Variants in NEAT1 observed in about 807,000 individuals in gnomAD.
NEAT1 encodes the protein nuclear paraspeckle assembly transcript 1, also known as MENepsilon/beta.
chr11:65,435,933 T>G (rs1856654350), exon 1 of NEAT1: 1 of 152,152 alleles, frequency 6.6e-6, no homozygotes, highest in Admixed American at 6.5e-5. Context: ...TTGTAAAAAG[T>G]GGTATTTAAT....
exon 1 of NEAT1, chr11:65,438,857 G>T (rs916667247): frequency 6.6e-6 from 1 of 152,122 alleles, no homozygotes; most frequent in Non-Finnish European, 1.5e-5. Flanking sequence ...GAACAGTTGC[G>T]TACAAGTTTT....
chr11:65,433,798 G>A (rs1007866210), exon 1 of NEAT1: 2 of 150,948 alleles, frequency 1.3e-5, no homozygotes, highest in Non-Finnish European at 2.9e-5. Context: ...ATATATATGA[G>A]TTCTACAGTA....
chr11:65,429,145 T>A (rs1856590517), exon 1 of NEAT1: 1 of 152,150 alleles, frequency 6.6e-6, no homozygotes, highest in African/African-American at 2.4e-5. Context: ...TAGAAAATAA[T>A]ACTTGCGATG....
At chr11:65,423,488 T>C (rs1856522695) in exon 1 of NEAT1, 1 of 151,386 alleles carries the variant, frequency 6.6e-6, no homozygotes, top group South Asian at 2.1e-4. Context: ...AGGTGAGGGG[T>C]GGTCTGAGGA....
exon 1 of NEAT1, chr11:65,424,646 C>T (rs1856542153): frequency 6.6e-6 from 1 of 152,192 alleles, no homozygotes. Context: ...TTGTGTTGTG[C>T]TAAACGCTGG....
exon 1 of NEAT1, chr11:65,444,517 C>T (rs753475143): frequency 2.0e-6 from 1 of 494,476 alleles, no homozygotes; most frequent in East Asian, 6.2e-5. Context: ...AGGAGGGGCT[C>T]CAGGGGCCCT....
Position 65,428,563 on chromosome 11 carries a change from C to T in NEAT1, n.5766C>T, listed in dbSNP as rs192322167. On this transcript the variant is annotated non_coding_transcript_exon_variant, in exon 1 of 1. Transcript: ENST00000501122. ...AGACACCCAAATAGGCTTACAGATA[C>T]GATATGTTTTAAATGTTCGTATTTA... The T allele has an allele frequency of 7.2e-5, 11 of 152,188 alleles. No homozygotes were observed. The East Asian group carries it at 7.7e-4, about 11-fold the overall frequency. 9.4% of individuals were successfully genotyped at this position (152,188 alleles called of 1,614,324 possible).
Position 65,437,216 on chromosome 11 carries a change from T to C in NEAT1, n.14419T>C, listed in dbSNP as rs564848623. On this transcript the variant is annotated non_coding_transcript_exon_variant, in exon 1 of 1. Coordinates refer to ENST00000501122, the Ensembl canonical transcript of NEAT1. ...ATATGTATATATATATATATGTATA[T>C]ATATATATATACATATATATATACA... 11 of 142,828 alleles carry C rather than the reference T, an allele frequency of 7.7e-5. No individual in the cohort carries two copies. The East Asian group carries it at 7.8e-4, about 10-fold the overall frequency. The allele number at this position is 142,828 out of a possible 1,614,324, so 8.8% of individuals were successfully genotyped here.
exon 1 of NEAT1, chr11:65,430,569 A>T (rs951042849): frequency 6.6e-6 from 1 of 152,202 alleles, no homozygotes; most frequent in Non-Finnish European, 1.5e-5. Flanking sequence ...AAAAAAGATC[A>T]TGAATGAATG....
chr11:65,443,250 C>T (rs1181863164), exon 1 of NEAT1: 1 of 152,196 alleles, frequency 6.6e-6, no homozygotes, highest in South Asian at 2.1e-4. Flanking sequence ...CAGGGTGACC[C>T]ATTGGTATTC....
exon 1 of NEAT1, chr11:65,431,661 G>A (rs572109495): frequency 3.3e-5 from 5 of 152,318 alleles, no homozygotes; most frequent in South Asian, 4.1e-4. Flanking sequence ...CTAATGAGGA[G>A]TGATGCTGAG....
At chr11:65,430,701 C>T (rs1296546250) in exon 1 of NEAT1, 2 of 152,132 alleles carry the variant, frequency 1.3e-5, no homozygotes, top group Non-Finnish European at 2.9e-5. Flanking sequence ...ATTTAGTGTA[C>T]ACATGTATCC....
chr11:65,438,205 GC>G (rs1856682271), exon 1 of NEAT1: 1 of 152,166 alleles, frequency 6.6e-6, no homozygotes, highest in African/African-American at 2.4e-5. Context: ...CCCCCTGGCA[GC>G]CTTTTTCATG....
chr11:65,428,562 AC>A (rs1856584040), exon 1 of NEAT1: 1 of 152,244 alleles, frequency 6.6e-6, no homozygotes. Flanking sequence ...GCTTACAGAT[AC>A]GATATGTTTT....
At chr11:65,438,767 G>A (rs964493863) in exon 1 of NEAT1, 1 of 152,174 alleles carries the variant, frequency 6.6e-6, no homozygotes, top group South Asian at 2.1e-4. Flanking sequence ...TGTATGGATA[G>A]ACCCCATTTT....
At chr11:65,423,156 A>C (rs1590669774) in exon 1 of NEAT1, 1 of 153,332 alleles carries the variant, frequency 6.5e-6, no homozygotes, top group Non-Finnish European at 1.5e-5. Context: ...GGAGAGGTAG[A>C]AGGGGTGGAG....
chr11:65,425,815 T>C (rs545279232), exon 1 of NEAT1: 1 of 152,296 alleles, frequency 6.6e-6, no homozygotes, highest in South Asian at 2.1e-4. Flanking sequence ...CTATCTAGTA[T>C]CTTCAAATTG....
At chr11:65,426,006 A>G (rs1027940331) in exon 1 of NEAT1, 9 of 152,178 alleles carry the variant, frequency 5.9e-5, no homozygotes, top group African/African-American at 2.2e-4. Context: ...ATCAGTTTGG[A>G]AAACAAGACC....
At chr11:65,435,357 G>T (rs1175564692) in exon 1 of NEAT1, 2 of 152,194 alleles carry the variant, frequency 1.3e-5, no homozygotes, top group East Asian at 3.8e-4. Flanking sequence ...TTTTCTGGCT[G>T]TGGATGTACT....
Sources: allele counts gnomAD v4.1 joint callset, GRCh38; gene constraint gnomAD v4.1.1; transcripts MANE v1.5; gene names NCBI Gene and HGNC (gene_info 2026-07-23, HGNC 2026-07-21).